HMCN1: variants seen among roughly 807,000 people sequenced by gnomAD.
HMCN1 encodes the protein hemicentin 1.
In HMCN1, 321 loss-of-function variants were observed where a neutral mutation model predicts 625.9. The ratio of observed to expected loss-of-function variants is 0.51; its 90% CI spans 0.47 to 0.56. The LOEUF (loss-of-function observed/expected upper bound fraction) is 0.56. HMCN1 is among the 20% of genes least tolerant of loss of function. HMCN1 has a pLI of 0.00. For missense variants in HMCN1, 6,588 were observed against 6,887.3 expected, an observed-to-expected ratio of 0.96 and a Z score of 1.54; for synonymous variants, 2,425 against 2,417.6, an observed-to-expected ratio of 1.00 and a Z score of -0.09.
intron 4 of HMCN1, among the ~76,000 whole-genome samples, chr1:185,866,558 C>G (rs1001789861): frequency 6.6e-6 from 1 of 151,738 alleles, no homozygotes. Context: ...GCGCCCACCA[C>G]CACGCCCGGC....
intron 53 of HMCN1, among the ~76,000 whole-genome samples, chr1:186,075,700 CA>C (rs1325109581): frequency 6.6e-6 from 1 of 151,992 alleles, no homozygotes; most frequent in African/African-American, 2.4e-5. Context: ...GTTGAATATC[CA>C]AAAAATATTT....
chr1:185,852,200 G>T (rs1411496945), intron 2 of HMCN1, among the ~76,000 whole-genome samples: 1 of 151,826 alleles, frequency 6.6e-6, no homozygotes, highest in Non-Finnish European at 1.5e-5. Context: ...GCTAAAAAGA[G>T]GAGAACAAGA....
chr1:186,166,958 C>G lies in HMCN1; in HGVS notation c.15574+16C>G. The G allele has an allele frequency of 6.2e-7, 1 of 1,613,944 alleles. No homozygotes were observed. The highest frequency in any genetic ancestry group is 2.2e-5 in the East Asian group (1 of 44,862). ...AGTTGTCAAGGTATAAAAATGGAGG[C>G]CTTTTCTTTATGTTCATGACAGTAA... On this transcript the variant is annotated intron_variant, in intron 100 of 106. Coordinates refer to ENST00000271588, the MANE Select transcript of HMCN1 (RefSeq NM_031935.3).
At chr1:186,032,945 GAA>G (rs1403057573) in intron 36 of HMCN1, among the ~76,000 whole-genome samples, 1 of 151,962 alleles carries the variant, frequency 6.6e-6, no homozygotes, top group African/African-American at 2.4e-5. Context: ...GTCGTTATAT[GAA>G]AAAGACACAT....
At chr1:185,823,470 GATT>G (rs1483523035) in intron 1 of HMCN1, among the ~76,000 whole-genome samples, 3 of 152,072 alleles carry the variant, frequency 2.0e-5, no homozygotes, top group Non-Finnish European at 4.4e-5. Flanking sequence ...AATACTGACA[GATT>G]TTTTTTGTTA....
At chr1:186,160,257 G>A (rs539750480) in intron 97 of HMCN1, among the ~76,000 whole-genome samples, 533 of 145,832 alleles carry the variant, frequency 3.7e-3, no homozygotes, top group African/African-American at 4.6e-3. Context: ...CTGTGGGATC[G>A]GTGGTGATAT....
At chr1:186,166,333 G>A in intron 99 of HMCN1, 30 bp downstream of exon 99, 1 of 1,613,642 alleles carries the variant, frequency 6.2e-7, no homozygotes, top group Non-Finnish European at 8.5e-7. Context: ...ACACATTTAA[G>A]CAATGGGTCA....
chr1:186,092,741 T>C (rs939501061), intron 64 of HMCN1, among the ~76,000 whole-genome samples: 2 of 152,078 alleles, frequency 1.3e-5, no homozygotes, highest in Admixed American at 1.3e-4. Context: ...TATTAAGGTA[T>C]TAAGTTGTTT....
chr1:186,091,730 A>T (rs1659853858), intron 64 of HMCN1, among the ~76,000 whole-genome samples: 1 of 152,082 alleles, frequency 6.6e-6, no homozygotes. Context: ...TACCAGATTA[A>T]TTATATGCAT....
intron 2 of HMCN1, among the ~76,000 whole-genome samples, chr1:185,861,467 GCA>G (rs1662861787): frequency 6.6e-6 from 1 of 152,166 alleles, no homozygotes; most frequent in Non-Finnish European, 1.5e-5. Context: ...ACACTCAGGT[GCA>G]CAGTGTCATG....
chr1:185,939,670 C>T (rs1336271187), intron 11 of HMCN1, among the ~76,000 whole-genome samples: 1 of 152,040 alleles, frequency 6.6e-6, no homozygotes, highest in Non-Finnish European at 1.5e-5. Flanking sequence ...CTTAAATGCT[C>T]ATGTTAATTT....
rs192023929 is a variant in HMCN1 at position 185,842,248 on chromosome 1, G to A, written c.269-3778G>A. ...CAACTGCAAATAGTAGGTGTTCAAC[G>A]TATTTTTGTTAAATAGATTTGAGAG... On this transcript the variant is annotated intron_variant, in intron 1 of 106. Coordinates refer to ENST00000271588, the MANE Select transcript of HMCN1 (RefSeq NM_031935.3). Among the ~76,000 whole-genome samples the A allele has an allele frequency of 2.6e-3, 398 of 152,202 alleles. 1 individual carries two copies. Among genetic ancestry groups the A allele is most frequent in the Middle Eastern group, 0.017 (5 of 294 alleles).
At chr1:185,759,130 C>G (rs1177356637) in intron 1 of HMCN1, among the ~76,000 whole-genome samples, 1 of 152,164 alleles carries the variant, frequency 6.6e-6, no homozygotes, top group Non-Finnish European at 1.5e-5. Flanking sequence ...TTGGCTGGAA[C>G]CTGTTTTTTG....
Position 186,018,172 on chromosome 1 carries a change from T to A in HMCN1, c.5301-11T>A. 1 of 1,605,340 alleles carries A rather than the reference T, an allele frequency of 6.2e-7. No individual in the cohort carries two copies. Among genetic ancestry groups the A allele is most frequent in the Non-Finnish European group, 8.5e-7 (1 of 1,172,388 alleles). On this transcript the variant is annotated splice_polypyrimidine_tract_variant and intron_variant, in intron 33 of 106. Coordinates refer to ENST00000271588, the MANE Select transcript of HMCN1 (RefSeq NM_031935.3). ...ATATTTATCCAGACTTCCTTTTGCC[T>A]TTTTCTATAGGTGGCTGAAGGATGG... is the stretch of plus-strand genomic sequence containing the variant.
rs181971780 is a variant in HMCN1 at position 185,940,002 on chromosome 1, T to C, written c.1828+6178T>C. 6.6e-5 allele frequency among the ~76,000 whole-genome samples: 10 copies of C among 152,308 alleles called. No homozygotes were observed. In the East Asian group the frequency reaches 1.7e-3, roughly 26 times the overall value. On this transcript the variant is annotated intron_variant, in intron 11 of 106. Coordinates refer to ENST00000271588, the MANE Select transcript of HMCN1 (RefSeq NM_031935.3). The stretch of plus-strand genomic sequence containing the variant: ...AAAAAGTTGAGCTCTAAAAAGTTTA[T>C]TTTAGAGAAAATAATTCTTCCCAAG...
At chr1:185,861,139 G>T (rs1048120356) in intron 2 of HMCN1, among the ~76,000 whole-genome samples, 5 of 152,224 alleles carry the variant, frequency 3.3e-5, no homozygotes, top group Middle Eastern at 3.4e-3. Flanking sequence ...AATGTTTCAG[G>T]ATTCCTAGGG....
At chr1:186,003,960 G>T in intron 29 of HMCN1, 116 bp downstream of exon 29, 6 of 1,016,442 alleles carry the variant, frequency 5.9e-6, no homozygotes, top group Non-Finnish European at 8.9e-6. Context: ...TATTAAATGA[G>T]CATACAGGAA....
Position 186,087,278 on chromosome 1 carries a change from A to G in HMCN1, c.9108A>G (p.Ile3036Met). Residue 3036 changes from isoleucine to methionine, a missense_variant, in exon 59 of 107, where the codon ATA becomes ATG. Around this residue, in one of 3 missense-constraint regions of HMCN1, gnomAD observed 4,628 missense variants for 4,853.1 expected, o/e 0.95. Transcript: ENST00000271588. ...KVSDGGEYTC[I>M]AINQAGESKK... ...CAGATGGTGGTGAATACACTTGTAT[A>G]GCTATCAATCAAGCTGGCGAAAGCA... 1 of 1,613,350 alleles carries G rather than the reference A, an allele frequency of 6.2e-7. No individual in the cohort carries two copies. Among genetic ancestry groups the G allele is most frequent in the East Asian group, 2.2e-5 (1 of 44,850 alleles).
rs1657145064 is a variant in HMCN1, at chr1:186,054,048, T to C, written c.6862+62T>C. 4.0e-6 allele frequency: 6 copies of C among 1,491,330 alleles called. No individual in the cohort carries two copies. The South Asian group carries it at 6.8e-5, about 17-fold the overall frequency. 92.4% of individuals were successfully genotyped at this position (1,491,330 alleles called of 1,614,324 possible). On this transcript the variant is annotated intron_variant, in intron 44 of 106. Coordinates refer to ENST00000271588, the MANE Select transcript of HMCN1 (RefSeq NM_031935.3). ...CTCTTAAATCTTTTCATCCTTCTCA[T>C]TTACTTTTAAAAATATCTTTAATGT...
Sources: allele counts gnomAD v4.1 joint callset (sites outside exome capture counted in the v4.1 genomes callset), GRCh38; gene constraint gnomAD v4.1.1; regional missense constraint gnomAD v4.1.1; transcripts MANE v1.5; gene names NCBI Gene and HGNC (gene_info 2026-07-23, HGNC 2026-07-21).